Variants in SPON1 observed in about 807,000 individuals in gnomAD.
The protein encoded by SPON1 is spondin 1.
A neutral mutation model predicts 111.7 loss-of-function variants in SPON1; 52 were observed. The ratio of observed to expected loss-of-function variants is 0.47; its 90% confidence interval spans 0.37 to 0.59. SPON1 has a LOEUF of 0.59. SPON1 is among the 20% of genes least tolerant of loss of function. The pLI is 0.00. For missense variants in SPON1, 957 were observed against 1,068.5 expected, an observed-to-expected ratio of 0.90 and a Z score of 1.46; for synonymous variants, 410 against 395.8, an observed-to-expected ratio of 1.04 and a Z score of -0.43.
chr11:14,224,393 G>T (rs1554937911), intron 6 of SPON1, among the ~76,000 whole-genome samples: 1 of 151,948 alleles, frequency 6.6e-6, no homozygotes, highest in Non-Finnish European at 1.5e-5. Flanking sequence ...GGTGAGAAAG[G>T]GTTAAAAGGA....
At chr11:14,205,510 A>G (rs1848508218) in intron 6 of SPON1, among the ~76,000 whole-genome samples, 1 of 152,250 alleles carries the variant, frequency 6.6e-6, no homozygotes, top group Non-Finnish European at 1.5e-5. Flanking sequence ...AAGCAGCTCT[A>G]TGTTAACAAA....
chr11:14,053,437 A>C (rs1326320284), intron 3 of SPON1, among the ~76,000 whole-genome samples: 1 of 152,138 alleles, frequency 6.6e-6, no homozygotes, highest in Non-Finnish European at 1.5e-5. Context: ...CACTTAACAT[A>C]ATGTTTTTGA....
intron 2 of SPON1, among the ~76,000 whole-genome samples, chr11:14,013,800 G>A (rs972933400): frequency 3.9e-5 from 6 of 152,132 alleles, no homozygotes; most frequent in Non-Finnish European, 8.8e-5. Context: ...AGCAATCTAG[G>A]AAAAGTGTTA....
intron 3 of SPON1, among the ~76,000 whole-genome samples, chr11:14,042,506 C>T (rs1848639584): frequency 6.6e-6 from 1 of 152,002 alleles, no homozygotes; most frequent in African/African-American, 2.4e-5. Context: ...GTTTGAAGTC[C>T]TATATGGAAT....
chr11:14,173,755 A>C (rs372857590), intron 6 of SPON1, among the ~76,000 whole-genome samples: 7 of 152,178 alleles, frequency 4.6e-5, no homozygotes, highest in African/African-American at 1.7e-4. Context: ...CTGGAGGTCC[A>C]CTCCAGACCC....
At chr11:14,159,448 C>T (rs1318126199) in intron 6 of SPON1, among the ~76,000 whole-genome samples, 1 of 152,034 alleles carries the variant, frequency 6.6e-6, no homozygotes, top group African/African-American at 2.4e-5. Context: ...CAAATTAGTA[C>T]AAGAACTATG....
At chr11:14,238,105 T>C (rs1422937851) in intron 6 of SPON1, among the ~76,000 whole-genome samples, 1 of 152,248 alleles carries the variant, frequency 6.6e-6, no homozygotes, top group Non-Finnish European at 1.5e-5. Context: ...ATGCTGTCTA[T>C]TAGGCAATTT....
At chr11:14,014,600 G>A (rs1199287975) in intron 2 of SPON1, among the ~76,000 whole-genome samples, 12 of 152,162 alleles carry the variant, frequency 7.9e-5, no homozygotes, top group African/African-American at 2.9e-4. Flanking sequence ...AAACTGAGTG[G>A]GGCGTCACTG....
chr11:14,107,854 A>G (rs782756701), intron 5 of SPON1, among the ~76,000 whole-genome samples: 1 of 152,144 alleles, frequency 6.6e-6, no homozygotes, highest in Non-Finnish European at 1.5e-5. Context: ...GGCAATACAT[A>G]TTGTATATAG....
intron 5 of SPON1, among the ~76,000 whole-genome samples, chr11:14,123,982 C>G (rs1847426256): frequency 6.6e-6 from 1 of 152,200 alleles, no homozygotes; most frequent in Non-Finnish European, 1.5e-5. Context: ...AATGCAGTGC[C>G]ACTTACTTAA....
chr11:14,016,585 G>A (rs1428077397), intron 2 of SPON1, among the ~76,000 whole-genome samples: 1 of 151,348 alleles, frequency 6.6e-6, no homozygotes, highest in Non-Finnish European at 1.5e-5. Context: ...CAGAGTAAGG[G>A]TTTTTTTTCT....
chr11:14,218,682 A>G (rs1848650306), intron 6 of SPON1, among the ~76,000 whole-genome samples: 1 of 152,290 alleles, frequency 6.6e-6, no homozygotes, highest in South Asian at 2.1e-4. Context: ...ATGAAATGTT[A>G]TCTGAGCCAT....
chr11:13,980,222 A>G (rs1293666463), intron 1 of SPON1, among the ~76,000 whole-genome samples: 2 of 151,950 alleles, frequency 1.3e-5, no homozygotes, highest in Non-Finnish European at 2.9e-5. Context: ...TTGTATTTTT[A>G]GTAGAGATGG....
In SPON1 at chr11:14,056,717, G is replaced by T. The variant is rs569701686; in HGVS notation, c.479+15063G>T. Among the ~76,000 whole-genome samples the T allele has an allele frequency of 6.6e-5, 10 of 152,066 alleles. No individual in the cohort carries two copies. The South Asian group carries it at 1.3e-3, about 19-fold the overall frequency. The stretch of plus-strand genomic sequence containing the variant: ...ATCCTGGCAAACACGGTGAAACCCC[G>T]TCTCTACTTAAAAATACAAAAAAAT... On this transcript the variant is annotated intron_variant, in intron 3 of 15. Transcript: ENST00000576479.
intron 3 of SPON1, among the ~76,000 whole-genome samples, chr11:14,067,420 G>T (rs1554920471): frequency 6.6e-6 from 1 of 152,186 alleles, no homozygotes; most frequent in Non-Finnish European, 1.5e-5. Flanking sequence ...AAGCCCCAGG[G>T]TAAGTGACTG....
At chr11:14,031,299 G>A (rs1022048182) in intron 2 of SPON1, among the ~76,000 whole-genome samples, 1 of 152,186 alleles carries the variant, frequency 6.6e-6, no homozygotes, top group African/African-American at 2.4e-5. Context: ...ACCTGTACAT[G>A]TACACCCTGA....
intron 3 of SPON1, among the ~76,000 whole-genome samples, chr11:14,047,213 G>A (rs1455360676): frequency 6.6e-6 from 1 of 151,890 alleles, no homozygotes; most frequent in African/African-American, 2.4e-5. Flanking sequence ...GTACAGTATT[G>A]CATAGTAGTA....
At chr11:14,091,690 G>C (rs961623700) in intron 5 of SPON1, among the ~76,000 whole-genome samples, 1 of 152,004 alleles carries the variant, frequency 6.6e-6, no homozygotes, top group East Asian at 1.9e-4. Flanking sequence ...CCGCAGCCCC[G>C]GTTCTCGCTC....
At chr11:14,128,456 G>A (rs1474898829) in intron 5 of SPON1, among the ~76,000 whole-genome samples, 8 of 152,200 alleles carry the variant, frequency 5.3e-5, no homozygotes, top group African/African-American at 1.7e-4. Context: ...TCCAGGCCAC[G>A]TCGATGTAAG....
Sources: gnomAD v4.1 joint callset for allele counts (sites outside exome capture counted in the v4.1 genomes callset) on GRCh38, gnomAD v4.1.1 for gene constraint, MANE v1.5 for transcripts, NCBI Gene and HGNC (gene_info 2026-07-23, HGNC 2026-07-21) for gene names.